The following PFKFB3 variants were observed in gnomAD, a reference collection of about 807,000 sequenced individuals.
PFKFB3 encodes the protein 6-phosphofructo-2-kinase/fructose-2,6-biphosphatase 3.
A neutral mutation model predicts 68.0 loss-of-function variants in PFKFB3; 33 were observed. The observed-to-expected ratio is 0.49, with a 90% CI of 0.37 to 0.65. PFKFB3 has a LOEUF of 0.65. PFKFB3 is among the 30% of genes least tolerant of loss of function. The probability of loss-of-function intolerance (pLI) is 0.00; values close to 1 mark genes in which losing one functional copy is unlikely to be tolerated. For synonymous variants in PFKFB3, 315 were observed against 288.2 expected, an observed-to-expected ratio of 1.09 and a Z score of -0.94; for missense variants, 586 against 712.2, an observed-to-expected ratio of 0.82 and a Z score of 2.02.
chr10:6,265,606 A>T, the PFKFB3 span, among the ~76,000 whole-genome samples: 1 of 152,090 alleles, frequency 6.6e-6, no homozygotes, highest in African/African-American at 2.4e-5. Context: ...CTTGCGGGTA[A>T]TTATTTTGAC....
chr10:6,173,228 CTG>C (rs1842363950), intron 1 of PFKFB3, among the ~76,000 whole-genome samples: 1 of 152,214 alleles, frequency 6.6e-6, no homozygotes, highest in African/African-American at 2.4e-5. Flanking sequence ...ACAGCAGAAA[CTG>C]TCCCACCACA....
chr10:6,155,296 G>A (rs1047105007), intron 1 of PFKFB3, among the ~76,000 whole-genome samples: 5 of 147,378 alleles, frequency 3.4e-5, no homozygotes, highest in Admixed American at 7.1e-5. Context: ...TCCGCCTCCC[G>A]GGTTCATGCC....
chr10:6,299,197 A>G, the PFKFB3 span, among the ~76,000 whole-genome samples: 149 of 152,338 alleles, frequency 9.8e-4, no homozygotes, highest in African/African-American at 3.4e-3. Flanking sequence ...AGTTGATACC[A>G]TGCACTCTGC....
upstream of PFKFB3, among the ~76,000 whole-genome samples, chr10:6,201,748 T>A (rs1843367904): frequency 6.6e-6 from 1 of 151,870 alleles, no homozygotes; most frequent in South Asian, 2.1e-4. This position sits in a 1 kb window ranked among gnomAD's most constrained non-coding sequence, Gnocchi z 4.1. Context: ...GCGCTAAGTG[T>A]GCACCTCTCT....
chr10:6,190,935 T>C (rs1414130892), intron 1 of PFKFB3, among the ~76,000 whole-genome samples: 4 of 152,150 alleles, frequency 2.6e-5, no homozygotes, highest in Admixed American at 2.0e-4. Context: ...TCTGCCAACA[T>C]GCCCAGCTAA....
At chr10:6,218,949 TGA>T (rs1376004027) in intron 6 of PFKFB3, among the ~76,000 whole-genome samples, 3 of 152,210 alleles carry the variant, frequency 2.0e-5, no homozygotes, top group Non-Finnish European at 4.4e-5. Flanking sequence ...TCAGAAATGC[TGA>T]GTTTCCCTAA....
At chr10:6,277,579 TC>T in the PFKFB3 span, 1 of 186,000 alleles carries the variant, frequency 5.4e-6, no homozygotes, top group Non-Finnish European at 1.2e-5. Flanking sequence ...ACAACAGAGT[TC>T]TTGCAAGATC....
intron 1 of PFKFB3, among the ~76,000 whole-genome samples, chr10:6,170,878 G>A (rs1332520736): frequency 6.6e-6 from 1 of 151,896 alleles, no homozygotes; most frequent in Non-Finnish European, 1.5e-5. Context: ...AAAAAAAAAA[G>A]AAAAGCTCAG....
At chr10:6,224,390 T>C in intron 13 of PFKFB3, 177 bp downstream of exon 13, 1 of 636,118 alleles carries the variant, frequency 1.6e-6, no homozygotes, top group East Asian at 2.7e-5. Flanking sequence ...TTCTGTGGCT[T>C]CTGGGGCCTT....
Position 6,228,212 on chromosome 10 carries a change from C to T in PFKFB3, c.1515+1847C>T. On this transcript the variant is annotated intron_variant, in intron 14 of 14. Coordinates refer to ENST00000379775, the MANE Select transcript of PFKFB3 (RefSeq NM_004566.4). This position sits in a 1 kb window ranked among gnomAD's most constrained non-coding sequence, Gnocchi z 4.5. ...CCTCCGCAGCCTTTGCTAGGGCAAG[C>T]CTGTCTGTAAGTATCTCTCCGATCA... 1 of 1,612,782 alleles carries T rather than the reference C, an allele frequency of 6.2e-7. No individual in the cohort carries two copies. The highest frequency in any genetic ancestry group is 8.5e-7 in the Non-Finnish European group (1 of 1,179,870).
chr10:6,281,917 T>C, the PFKFB3 span, among the ~76,000 whole-genome samples: 1 of 151,990 alleles, frequency 6.6e-6, no homozygotes, highest in Non-Finnish European at 1.5e-5. Context: ...GAAAGATTTT[T>C]GAGCCCAAAG....
chr10:6,200,993 T>C (rs1843329263), upstream of PFKFB3, among the ~76,000 whole-genome samples: 2 of 152,172 alleles, frequency 1.3e-5, no homozygotes, highest in Non-Finnish European at 2.9e-5. Flanking sequence ...GTAGGGAGTG[T>C]GGAAGAAGGC....
upstream of PFKFB3, among the ~76,000 whole-genome samples, chr10:6,199,088 G>T (rs1484033099): frequency 1.3e-5 from 2 of 152,196 alleles, no homozygotes; most frequent in Non-Finnish European, 2.9e-5. Context: ...TGATGGAAGG[G>T]TTTGTTTCAG....
At chr10:6,262,326 T>C in the PFKFB3 span, among the ~76,000 whole-genome samples, 293 of 147,412 alleles carry the variant, frequency 2.0e-3, no homozygotes, top group Admixed American at 3.9e-3. Context: ...GGGTGGGGGG[T>C]GCCTGTAGTC....
intron 1 of PFKFB3, among the ~76,000 whole-genome samples, chr10:6,163,617 C>T (rs1037531260): frequency 6.6e-6 from 1 of 152,066 alleles, no homozygotes; most frequent in Admixed American, 6.5e-5. Context: ...CTGCTTCCTC[C>T]CAGGTGCACC....
intron 10 of PFKFB3, among the ~76,000 whole-genome samples, chr10:6,222,386 G>A (rs1404317122): frequency 1.3e-5 from 2 of 152,208 alleles, no homozygotes; most frequent in East Asian, 1.9e-4. Context: ...CTTTCATCAC[G>A]TTAAAGTTAT....
intron 1 of PFKFB3, among the ~76,000 whole-genome samples, chr10:6,177,239 C>A (rs1016005916): frequency 6.6e-6 from 1 of 152,188 alleles, no homozygotes; most frequent in African/African-American, 2.4e-5. Context: ...AAATTCAGAA[C>A]CTGCCTGCTG....
chr10:6,287,323 C>T, the PFKFB3 span, among the ~76,000 whole-genome samples: 4 of 152,264 alleles, frequency 2.6e-5, no homozygotes, highest in South Asian at 8.3e-4. Flanking sequence ...CTCCTGACCT[C>T]AAGTGACCTG....
At chr10:6,198,966 G>A (rs572511135), upstream of PFKFB3, among the ~76,000 whole-genome samples, 9 of 152,226 alleles carry the variant, frequency 5.9e-5, no homozygotes, top group South Asian at 2.1e-4. Context: ...TTGGTTTTTC[G>A]AACCCCCAAC....
Sources: allele counts gnomAD v4.1 joint callset (sites outside exome capture counted in the v4.1 genomes callset), GRCh38; gene constraint gnomAD v4.1.1; non-coding constraint Gnocchi (gnomAD v3.1); transcripts MANE v1.5; gene names NCBI Gene and HGNC (gene_info 2026-07-23, HGNC 2026-07-21).